The following EPS15L1 variants were observed in gnomAD, a reference collection of about 807,000 sequenced individuals.
The protein encoded by EPS15L1 is epidermal growth factor receptor substrate 15-like 1.
Under a neutral mutation model 117.1 loss-of-function variants are expected in EPS15L1, and 43 were observed. The observed-to-expected ratio is 0.37, with a 90% confidence interval of 0.29 to 0.47. The LOEUF (loss-of-function observed/expected upper bound fraction) is 0.47, where lower values mean the gene tolerates loss of function less well. EPS15L1 is among the 20% of genes least tolerant of loss of function. The pLI, the probability that EPS15L1 is intolerant of heterozygous loss-of-function variation, is 0.99. For synonymous variants in EPS15L1, 459 were observed against 470.5 expected (o/e 0.98, Z 0.32); for missense variants, 981 against 1,164.0 (o/e 0.84, Z 2.29).
chr19:16,462,120 T>C (rs1037164059), intron 1 of EPS15L1, among the ~76,000 whole-genome samples: 2 of 152,186 alleles, frequency 1.3e-5, no homozygotes, highest in Non-Finnish European at 2.9e-5. Flanking sequence ...CTGTTCTCCA[T>C]GGGGGTCTGA....
At chr19:16,437,049 T>G in intron 5 of EPS15L1, 50 bp from the exon 6 acceptor site, 1 of 1,541,988 alleles carries the variant, frequency 6.5e-7, no homozygotes, top group South Asian at 1.1e-5. Flanking sequence ...AATTAAATCA[T>G]AGGTGGGTGG....
At chr19:16,453,368 G>A (rs762160564) in intron 1 of EPS15L1, among the ~76,000 whole-genome samples, 18 of 152,170 alleles carry the variant, frequency 1.2e-4, no homozygotes, top group Non-Finnish European at 2.2e-4. Flanking sequence ...GCCTCCCACG[G>A]TGCTGGGATT....
At chr19:16,426,391 T>C (rs2092872696) in intron 8 of EPS15L1, among the ~76,000 whole-genome samples, 1 of 152,118 alleles carries the variant, frequency 6.6e-6, no homozygotes, top group South Asian at 2.1e-4. Flanking sequence ...TCTCAGCACT[T>C]TGGAGGCCGA....
intron 9 of EPS15L1, among the ~76,000 whole-genome samples, chr19:16,423,594 T>C (rs2092838749): frequency 6.6e-6 from 1 of 151,966 alleles, no homozygotes; most frequent in Non-Finnish European, 1.5e-5. Flanking sequence ...AAAAAAAATC[T>C]ATGGATCTAA....
Position 16,401,617 on chromosome 19 carries a change from G to A in EPS15L1, c.1791+704C>T, listed in dbSNP as rs2092602534. ...GTTCGAGGCTGCAGGGGCAGACTCT[G>A]GTGTGAACAGGGGGGATGTGACCAC... On this transcript the variant is annotated intron_variant, in intron 16 of 23. Coordinates refer to ENST00000455140, the MANE Select transcript of EPS15L1 (RefSeq NM_001258374.3). 1.0e-5 allele frequency: 10 copies of A among 985,378 alleles called. No individual in the cohort carries two copies. The South Asian group carries it at 1.4e-4, about 14-fold the overall frequency. 61.0% of individuals were successfully genotyped at this position (985,378 alleles called of 1,614,324 possible). A position where few individuals can be genotyped will look rare whatever the true frequency, so the allele number is the denominator to read the frequency against.
At position 16,401,583 on chromosome 19, in the gene EPS15L1, T is replaced by C. The variant is rs1048726231; in HGVS notation, c.1791+738A>G. ...CACCAAGACGAAATGGGAAACTACATGTCCCCAGGTTCGAGGCTGCAGGGG... is the reference window on the plus strand; with the variant it reads ...CACCAAGACGAAATGGGAAACTACACGTCCCCAGGTTCGAGGCTGCAGGGG... On this transcript the variant is annotated intron_variant, in intron 16 of 23. Coordinates refer to ENST00000455140, the MANE Select transcript of EPS15L1 (RefSeq NM_001258374.3). The C allele has an allele frequency of 1.2e-5, 12 of 985,390 alleles. No individual in the cohort carries two copies. The South Asian group carries it at 1.4e-4, about 12-fold the overall frequency. The allele number at this position is 985,390 out of a possible 1,614,324, so 61.0% of individuals were successfully genotyped here. A position where few individuals can be genotyped will look rare whatever the true frequency, so the allele number is the denominator to read the frequency against.
At chr19:16,402,127 G>C in intron 16 of EPS15L1, 194 bp downstream of exon 16, 1 of 1,355,296 alleles carries the variant, frequency 7.4e-7, no homozygotes, top group South Asian at 1.9e-5. Flanking sequence ...CTGGAAGCCA[G>C]GATTCAGCAT....
At chr19:16,391,465 A>G (rs1421139879) in intron 19 of EPS15L1, among the ~76,000 whole-genome samples, 2 of 152,046 alleles carry the variant, frequency 1.3e-5, no homozygotes, top group Non-Finnish European at 2.9e-5. Context: ...ACAGGGAGTG[A>G]GCGAGGTGGG....
At chr19:16,424,808 G>C (rs557525639) in intron 9 of EPS15L1, among the ~76,000 whole-genome samples, 1 of 151,784 alleles carries the variant, frequency 6.6e-6, no homozygotes, top group South Asian at 2.1e-4. Flanking sequence ...TTACAGGTGC[G>C]CACCACCACA....
At position 16,370,184 on chromosome 19, in the gene EPS15L1, T is replaced by A. The variant is rs918347509; in HGVS notation, c.2380+6938A>T. Among the ~76,000 whole-genome samples, 23 of 152,098 alleles carry A rather than the reference T, an allele frequency of 1.5e-4. No homozygotes were observed. The highest frequency in any genetic ancestry group is 4.8e-4 in the African/African-American group (20 of 41,396). ...CTCCCATGGTGGGGGACACTTTTGCTCTCTTTATGGCCAGATTCCCCATTG... is the reference window on the plus strand; with the variant it reads ...CTCCCATGGTGGGGGACACTTTTGCACTCTTTATGGCCAGATTCCCCATTG... On this transcript the variant is annotated intron_variant, in intron 22 of 23. Transcript: ENST00000455140. This position sits in a 1 kb window ranked among gnomAD's most constrained non-coding sequence, Gnocchi z 5.2.
chr19:16,451,751 G>C (rs1211612076), intron 1 of EPS15L1, among the ~76,000 whole-genome samples: 9 of 150,672 alleles, frequency 6.0e-5, no homozygotes, highest in Admixed American at 4.0e-4. Flanking sequence ...GGATGGTCTC[G>C]ATCTCCTGAC....
At position 16,378,192 on chromosome 19, in the gene EPS15L1, C is replaced by T. The variant is rs559430249; in HGVS notation, c.2248-938G>A. 1.2e-4 allele frequency among the ~76,000 whole-genome samples: 19 copies of T among 152,006 alleles called. No homozygotes were observed. In the South Asian group the frequency reaches 2.7e-3, roughly 22 times the overall value. Reference sequence around the variant, plus strand: ...AGACAGGGAGGCAGATATGTGGCGACGTCTTGCAGGTAGGTAGGTAGGTAG... The same window carrying T: ...AGACAGGGAGGCAGATATGTGGCGATGTCTTGCAGGTAGGTAGGTAGGTAG... On this transcript the variant is annotated intron_variant, in intron 21 of 23. Coordinates refer to ENST00000455140, the MANE Select transcript of EPS15L1 (RefSeq NM_001258374.3).
At position 16,381,642 on chromosome 19, in the gene EPS15L1, G is replaced by T. The variant is rs933521528; in HGVS notation, c.2247+3487C>A. Among the ~76,000 whole-genome samples, 2 of 152,218 alleles carry T rather than the reference G, an allele frequency of 1.3e-5. No individual in the cohort carries two copies. Among genetic ancestry groups the T allele is most frequent in the African/African-American group, 4.8e-5 (2 of 41,450 alleles). On this transcript the variant is annotated intron_variant, in intron 21 of 23. Transcript: ENST00000455140. The surrounding 1 kb of genome is among the most constrained non-coding windows in gnomAD (Gnocchi z 4.2). ...ACGAAGCTGCGATTGGAATCTGGGA[G>T]TGCCCCCATCTGCTGCCCCAGTTGT...
chr19:16,432,569 A>G (rs757843840), intron 7 of EPS15L1, among the ~76,000 whole-genome samples: 11 of 148,378 alleles, frequency 7.4e-5, no homozygotes, highest in African/African-American at 1.5e-4. Context: ...CTCTGTCTCA[A>G]ATAAATAAAT....
At position 16,425,119 on chromosome 19, in the gene EPS15L1, C is replaced by T; in HGVS notation, c.756G>A (p.Gly252=). ...TGAGGCTGTGCTTGGGGGACAGGCT[C>T]CCTGTGCTGTTGAGGCTGCTGACGC... ...HGSVSSLNST[G]SLSPKHSLKQ... Residue 252 remains glycine, a synonymous_variant, in exon 9 of 24, where the codon GGG becomes GGA. Coordinates refer to ENST00000455140, the MANE Select transcript of EPS15L1 (RefSeq NM_001258374.3). 6.2e-7 allele frequency: 1 copy of T among 1,614,212 alleles called. No homozygotes were observed. The highest frequency in any genetic ancestry group is 8.5e-7 in the Non-Finnish European group (1 of 1,180,030).
chr19:16,454,328 T>A (rs1358168303), intron 1 of EPS15L1, among the ~76,000 whole-genome samples: 5 of 152,116 alleles, frequency 3.3e-5, no homozygotes, highest in Admixed American at 3.3e-4. Context: ...GCAGGTGCAG[T>A]GTGTGACCTG....
chr19:16,461,578 C>T (rs569886727), intron 1 of EPS15L1, among the ~76,000 whole-genome samples: 4 of 151,944 alleles, frequency 2.6e-5, no homozygotes, highest in East Asian at 1.9e-4. Context: ...GCTGAGATCG[C>T]GCCACTGCAC....
At chr19:16,399,592 C>T (rs1031658930) in intron 16 of EPS15L1, among the ~76,000 whole-genome samples, 5 of 152,106 alleles carry the variant, frequency 3.3e-5, no homozygotes, top group Non-Finnish European at 7.4e-5. Context: ...AGAGCTTCTG[C>T]CAATTCCTGT....
chr19:16,410,870 G>A (rs2092700028), intron 13 of EPS15L1, among the ~76,000 whole-genome samples: 1 of 152,182 alleles, frequency 6.6e-6, no homozygotes, highest in African/African-American at 2.4e-5. Context: ...CCAAGGTTGT[G>A]TCACTGTACT....
Sources: allele counts gnomAD v4.1 joint callset (sites outside exome capture counted in the v4.1 genomes callset), GRCh38; gene constraint gnomAD v4.1.1; non-coding constraint Gnocchi (gnomAD v3.1); transcripts MANE v1.5; gene names NCBI Gene and HGNC (gene_info 2026-07-23, HGNC 2026-07-21).